The following EMILIN2 variants were observed in gnomAD, a reference collection of about 807,000 sequenced individuals.
EMILIN2 encodes the protein elastin microfibril interfacer 2.
Under a neutral mutation model 87.1 loss-of-function variants are expected in EMILIN2, and 71 were observed. The observed-to-expected ratio is 0.82, with a 90% CI of 0.67 to 0.99. The LOEUF is 0.99. Ranked by LOEUF, EMILIN2 falls within the 50% of genes least tolerant of loss-of-function variation. The pLI, the probability that EMILIN2 is intolerant of heterozygous loss-of-function variation, is 0.00. For synonymous variants in EMILIN2, 581 were observed against 563.4 expected (o/e 1.03, Z -0.44); for missense variants, 1,407 against 1,371.8 (o/e 1.03, Z -0.40).
At chr18:2,884,016 C>T (rs529424373) in intron 2 of EMILIN2, among the ~76,000 whole-genome samples, 14 of 152,170 alleles carry the variant, frequency 9.2e-5, no homozygotes, top group Non-Finnish European at 8.8e-5. Flanking sequence ...AGTGCAGTGG[C>T]GCGATCTCGG....
chr18:2,896,366 A>G (rs949170853), intron 4 of EMILIN2, among the ~76,000 whole-genome samples: 2 of 151,898 alleles, frequency 1.3e-5, no homozygotes, highest in African/African-American at 4.8e-5. Flanking sequence ...AGTAGAGACA[A>G]GGTTTCACCA....
At chr18:2,900,127 T>G (rs1284971677) in intron 4 of EMILIN2, among the ~76,000 whole-genome samples, 1 of 13,948 alleles carries the variant, frequency 7.2e-5, no homozygotes, top group Non-Finnish European at 3.3e-4. Flanking sequence ...CTTATAAGCT[T>G]GAGGGTTTTT....
At position 2,891,126 on chromosome 18, in the gene EMILIN2, G is replaced by A. The variant is rs1472588222; in HGVS notation, c.999G>A (p.Met333Ile). 2 of 1,614,076 alleles carry A rather than the reference G, an allele frequency of 1.2e-6. No individual in the cohort carries two copies. Among genetic ancestry groups the A allele is most frequent in the African/African-American group, 2.7e-5 (2 of 74,906 alleles). The stretch of plus-strand genomic sequence containing the variant: ...TGAGAGAGGAGCTCATGGAGGGCAT[G>A]GACAGAAAGCTGGCTGACCTGAAAA... ...DALREELMEG[M>I]DRKLADLKNS... The change falls in exon 4 of 8, where the codon ATG (methionine) becomes ATA (isoleucine). Residue 333 changes from methionine (M) to isoleucine (I), a missense_variant. By Grantham distance (10) the Met-to-Ile change is conservative. Coordinates refer to ENST00000254528, the MANE Select transcript of EMILIN2 (RefSeq NM_032048.3). The surrounding 1 kb of genome is among the most constrained non-coding windows in gnomAD (Gnocchi z 4.6).
chr18:2,855,798 G>A (rs2076624169), intron 2 of EMILIN2, among the ~76,000 whole-genome samples: 1 of 152,212 alleles, frequency 6.6e-6, no homozygotes, highest in African/African-American at 2.4e-5. Flanking sequence ...GGGTTGTGGG[G>A]AGGAGGCCCC....
intron 5 of EMILIN2, among the ~76,000 whole-genome samples, chr18:2,908,158 TGTTA>T (rs1488214575): frequency 6.6e-6 from 1 of 152,252 alleles, no homozygotes. Flanking sequence ...ACTTATCTTC[TGTTA>T]GTTCCATGTA....
chr18:2,846,681 G>A (rs2076575133), upstream of EMILIN2: 3 of 898,000 alleles, frequency 3.3e-6, no homozygotes, highest in Admixed American at 1.2e-4. This position sits in a 1 kb window ranked among gnomAD's most constrained non-coding sequence, Gnocchi z 5.3. Context: ...GGCACGACGC[G>A]AGGACGGCCA....
At chr18:2,856,563 C>T (rs541629842) in intron 2 of EMILIN2, among the ~76,000 whole-genome samples, 2 of 152,278 alleles carry the variant, frequency 1.3e-5, no homozygotes, top group African/African-American at 2.4e-5. Context: ...ACATGTGCTG[C>T]GTGTACATAA....
chr18:2,877,487 G>A (rs34535601), intron 2 of EMILIN2, among the ~76,000 whole-genome samples: 85 of 141,632 alleles, frequency 6.0e-4, no homozygotes, highest in Non-Finnish European at 8.7e-4. Flanking sequence ...GTAGTTTCTA[G>A]AAAATCAGTC....
intron 3 of EMILIN2, among the ~76,000 whole-genome samples, chr18:2,886,968 T>C (rs9956778): frequency 0.13 from 19,423 of 152,216 alleles, 1,416 homozygotes; most frequent in South Asian, 0.3. Flanking sequence ...CCCTCTCCTG[T>C]TGAATTCCCT....
At chr18:2,882,777 G>A (rs868786148) in intron 2 of EMILIN2, among the ~76,000 whole-genome samples, 44 of 152,026 alleles carry the variant, frequency 2.9e-4, no homozygotes, top group African/African-American at 9.9e-4. Flanking sequence ...CAGCTACTTG[G>A]GAGGCTGAGG....
intron 3 of EMILIN2, among the ~76,000 whole-genome samples, chr18:2,889,406 G>A (rs1283093463): frequency 2.6e-5 from 4 of 151,854 alleles, no homozygotes; most frequent in Admixed American, 2.6e-4. Context: ...CCAAAGTGCT[G>A]GGACTACAGG....
chr18:2,853,179 G>A (rs1257441942), intron 2 of EMILIN2, among the ~76,000 whole-genome samples: 3 of 152,146 alleles, frequency 2.0e-5, no homozygotes, highest in African/African-American at 7.2e-5. Context: ...CCCTCCTGAG[G>A]TAATTGTTTT....
chr18:2,883,729 T>C (rs1168072752), intron 2 of EMILIN2, among the ~76,000 whole-genome samples: 2 of 152,180 alleles, frequency 1.3e-5, no homozygotes. Context: ...TTCCAGGGCA[T>C]GAGGGGATGT....
intron 2 of EMILIN2, among the ~76,000 whole-genome samples, chr18:2,873,404 C>T (rs916834699): frequency 4.7e-5 from 7 of 149,506 alleles, no homozygotes; most frequent in African/African-American, 7.4e-5. Flanking sequence ...AGTAAGATTC[C>T]GTCTCAACAA....
At chr18:2,881,621 TGCCTG>T (rs1026251136) in intron 2 of EMILIN2, among the ~76,000 whole-genome samples, 11 of 152,230 alleles carry the variant, frequency 7.2e-5, no homozygotes, top group Admixed American at 2.6e-4. Context: ...GAGTGTGCTC[TGCCTG>T]GCCTGGCTCA....
chr18:2,891,235 G>T lies in EMILIN2; in HGVS notation c.1108G>T (p.Gly370Trp). 1 of 1,614,182 alleles carries T rather than the reference G, an allele frequency of 6.2e-7. No individual in the cohort carries two copies. Among genetic ancestry groups the T allele is most frequent in the Non-Finnish European group, 8.5e-7 (1 of 1,180,046 alleles). The change falls in exon 4 of 8, where the codon GGG (glycine) becomes TGG (tryptophan). Residue 370 changes from glycine (G) to tryptophan (W), a missense_variant. Coordinates refer to ENST00000254528, the MANE Select transcript of EMILIN2 (RefSeq NM_032048.3). This position sits in a 1 kb window ranked among gnomAD's most constrained non-coding sequence, Gnocchi z 4.6. ...CTACCTGGGAGTGATAGAGCTCATA[G>T]GGGAGAAGGAAACAAGCCTGAGAAA... ...SSYLGVIELIGEKETSLRKEI... is the reference protein window; with the variant it reads ...SSYLGVIELIWEKETSLRKEI...
At chr18:2,877,521 T>G (rs2076755500) in intron 2 of EMILIN2, among the ~76,000 whole-genome samples, 1 of 151,750 alleles carries the variant, frequency 6.6e-6, no homozygotes, top group Non-Finnish European at 1.5e-5. Flanking sequence ...CGGTGGCCTG[T>G]TATCCCAACA....
chr18:2,898,865 T>C (rs1237152991), intron 4 of EMILIN2, among the ~76,000 whole-genome samples: 1 of 152,194 alleles, frequency 6.6e-6, no homozygotes, highest in Non-Finnish European at 1.5e-5. Context: ...TAGAGTTTTA[T>C]AAACATATAA....
chr18:2,873,761 A>G lies in EMILIN2; in HGVS notation c.258-11203A>G, dbSNP rs561859587. ...AAAAAATGGAAAAAATCGTGAACAG[A>G]TGTCAGTTGGGTTCCTCTTCACCCC... is the stretch of plus-strand genomic sequence containing the variant. On this transcript the variant is annotated intron_variant, in intron 2 of 7. Coordinates refer to ENST00000254528, the MANE Select transcript of EMILIN2 (RefSeq NM_032048.3). Among the ~76,000 whole-genome samples the G allele has an allele frequency of 4.6e-5, 7 of 152,248 alleles. No individual in the cohort carries two copies. The East Asian group carries it at 1.2e-3, about 25-fold the overall frequency.
Sources: allele counts gnomAD v4.1 joint callset (sites outside exome capture counted in the v4.1 genomes callset), GRCh38; gene constraint gnomAD v4.1.1; non-coding constraint Gnocchi (gnomAD v3.1); transcripts MANE v1.5; gene names NCBI Gene and HGNC (gene_info 2026-07-23, HGNC 2026-07-21).